ANKRD50: variants seen among roughly 807,000 people sequenced by gnomAD.
ANKRD50 encodes the protein ankyrin repeat domain-containing protein 50.
Under a neutral mutation model 112.0 loss-of-function variants are expected in ANKRD50, and 40 were observed. That is an observed-to-expected ratio of 0.36 (90% confidence interval 0.28 to 0.46). ANKRD50 has a LOEUF of 0.46. ANKRD50 is among the 20% of genes least tolerant of loss of function. ANKRD50 has a pLI of 1.00. For missense variants in ANKRD50, 1,487 were observed against 1,701.7 expected, an observed-to-expected ratio of 0.87 and a Z score of 2.22; for synonymous variants, 613 against 619.1, an observed-to-expected ratio of 0.99 and a Z score of 0.15.
intron 2 of ANKRD50, among the ~76,000 whole-genome samples, chr4:124,683,897 C>G (rs1240269078): frequency 9.1e-6 from 1 of 110,344 alleles, no homozygotes; most frequent in South Asian, 3.1e-4. Flanking sequence ...ATAGATAATA[C>G]ATCAGTCTTT....
At chr4:124,709,527 T>G (rs1725582782) in intron 2 of ANKRD50, among the ~76,000 whole-genome samples, 1 of 152,036 alleles carries the variant, frequency 6.6e-6, no homozygotes, top group African/African-American at 2.4e-5. Flanking sequence ...ATCAGCAAAT[T>G]TTCTTCAGAT....
At chr4:124,679,045 C>T in intron 2 of ANKRD50, 140 bp from the exon 3 acceptor site, 1 of 653,508 alleles carries the variant, frequency 1.5e-6, no homozygotes, top group Non-Finnish European at 2.5e-6. Context: ...ATACAAGTTT[C>T]AATTCCTTAC....
intron 2 of ANKRD50, among the ~76,000 whole-genome samples, chr4:124,705,010 C>T (rs1407601179): frequency 1.3e-5 from 2 of 152,046 alleles, no homozygotes; most frequent in African/African-American, 4.8e-5. Context: ...AGGAGAATGG[C>T]GTGAACCCGA....
chr4:124,676,376 G>C (rs113583105), intron 3 of ANKRD50, among the ~76,000 whole-genome samples: 1 of 151,500 alleles, frequency 6.6e-6, no homozygotes, highest in East Asian at 1.9e-4. Context: ...ATGGCAAAGA[G>C]GGCTGGGAAG....
rs1437770190 is a variant in ANKRD50, at chr4:124,710,366, T to C, written c.146A>G (p.Asn49Ser). 2.5e-6 allele frequency: 4 copies of C among 1,614,194 alleles called. No individual in the cohort carries two copies. The Admixed American group carries it at 5.0e-5, about 20-fold the overall frequency. ...AGAATTCATTACAAGTGATGGTGCA[T>C]TGACAGCACTATTGCAGCAGTTACT... ...EKSNCCNSAV[N>S]APSLVMNSGN... The change falls in exon 2 of 5, where the codon AAT (asparagine) becomes AGT (serine). Residue 49 changes from asparagine (N) to serine (S), a missense_variant. Around this residue, in one of 2 missense-constraint regions of ANKRD50, gnomAD observed 1,046 missense variants for 1,269.5 expected, o/e 0.82. Transcript: ENST00000504087.
At chr4:124,712,236 C>T (rs953693422) in intron 1 of ANKRD50, among the ~76,000 whole-genome samples, 8 of 152,224 alleles carry the variant, frequency 5.3e-5, no homozygotes, top group African/African-American at 1.9e-4. Flanking sequence ...CAATCCCAGA[C>T]GAGGGGTCGC....
At chr4:124,690,624 T>TA (rs1344084578) in intron 2 of ANKRD50, among the ~76,000 whole-genome samples, 3 of 152,180 alleles carry the variant, frequency 2.0e-5, no homozygotes, top group Admixed American at 2.0e-4. Flanking sequence ...ATTAAAGTGT[T>TA]ACCTTAAAAA....
intron 2 of ANKRD50, among the ~76,000 whole-genome samples, chr4:124,704,885 G>A (rs1296469783): frequency 6.6e-6 from 1 of 152,160 alleles, no homozygotes; most frequent in African/African-American, 2.4e-5. Flanking sequence ...ACGAGGTCAG[G>A]AAATCAAGAC....
chr4:124,684,473 T>A (rs992445045), intron 2 of ANKRD50, among the ~76,000 whole-genome samples: 1 of 152,154 alleles, frequency 6.6e-6, no homozygotes, highest in Admixed American at 6.5e-5. Flanking sequence ...CTCCTGCACA[T>A]ACATGGCTCA....
At chr4:124,697,744 A>G (rs1725284695) in intron 2 of ANKRD50, among the ~76,000 whole-genome samples, 1 of 151,706 alleles carries the variant, frequency 6.6e-6, no homozygotes, top group Non-Finnish European at 1.5e-5. Context: ...TAAATAGACT[A>G]ATACGGGTGG....
chr4:124,676,915 G>A (rs550862075), intron 3 of ANKRD50, among the ~76,000 whole-genome samples: 1 of 151,674 alleles, frequency 6.6e-6, no homozygotes, highest in Admixed American at 6.6e-5. Context: ...AAGCATAAGG[G>A]AGAAAGGGTT....
At position 124,712,468 on chromosome 4, in the gene ANKRD50, G is replaced by A; in HGVS notation, c.-774C>T. ...CCGCCCCCCGGTTACCTCGGCCCCA[G>A]CCGCCGCCGTGGCCGCCGCTGCCGC... On this transcript the variant is annotated 5_prime_UTR_variant, in exon 1 of 5. Transcript: ENST00000504087. The A allele has an allele frequency of 6.4e-6, 1 of 156,190 alleles. No individual in the cohort carries two copies. The highest frequency in any genetic ancestry group is 1.4e-5 in the Non-Finnish European group (1 of 71,434). The allele number at this position is 156,190 out of a possible 1,614,324, so 9.7% of individuals were successfully genotyped here. A position where few individuals can be genotyped will look rare whatever the true frequency, so the allele number is the denominator to read the frequency against.
intron 3 of ANKRD50, among the ~76,000 whole-genome samples, chr4:124,676,384 A>G (rs1393051585): frequency 2.6e-5 from 4 of 151,710 alleles, no homozygotes; most frequent in Non-Finnish European, 4.4e-5. Flanking sequence ...GAGGGCTGGG[A>G]AGTAATTGCA....
rs1730464743 is a variant in ANKRD50, at chr4:124,665,418, G to T, written c.*2100C>A. 1 of 152,182 alleles carries T rather than the reference G, an allele frequency of 6.6e-6. No individual in the cohort carries two copies. The highest frequency in any genetic ancestry group is 1.5e-5 in the Non-Finnish European group (1 of 67,830). The allele number at this position is 152,182 out of a possible 1,614,324, so 9.4% of individuals were successfully genotyped here. On this transcript the variant is annotated 3_prime_UTR_variant, in exon 5 of 5. Coordinates refer to ENST00000504087, the MANE Select transcript of ANKRD50 (RefSeq NM_020337.3). The stretch of plus-strand genomic sequence containing the variant: ...CCCTTTGGACACAAGGTGCAATTTT[G>T]TAAAAACAATAAAATTAAATAAATA...
At chr4:124,675,990 C>G (rs994964224) in intron 3 of ANKRD50, among the ~76,000 whole-genome samples, 2 of 151,642 alleles carry the variant, frequency 1.3e-5, no homozygotes. Flanking sequence ...GTAGGTGAAG[C>G]CAATTTAGAC....
In ANKRD50 at chr4:124,669,496, T is replaced by C. The variant is rs751523274; in HGVS notation, c.3781A>G (p.Ser1261Gly). 6.2e-7 allele frequency: 1 copy of C among 1,612,992 alleles called. No individual in the cohort carries two copies. The highest frequency in any genetic ancestry group is 8.5e-7 in the Non-Finnish European group (1 of 1,179,702). The change falls in exon 4 of 5, where the codon AGT (serine) becomes GGT (glycine). Residue 1261 changes from serine to glycine, a missense_variant. Around this residue, in one of 2 missense-constraint regions of ANKRD50, gnomAD observed 441 missense variants for 432.2 expected, o/e 1.02. Transcript: ENST00000504087. ...TTACTTGCTTTAGTTGACTTCAAAC[T>C]GGGCTTTACTTGACTCCACTCAAAT... ...SEFEWSQVKP[S>G]LKSTKASKGG...
intron 3 of ANKRD50, among the ~76,000 whole-genome samples, chr4:124,676,886 A>G (rs867579409): frequency 2.0e-5 from 3 of 151,870 alleles, no homozygotes; most frequent in Middle Eastern, 3.4e-3. Flanking sequence ...TTCATGGAAA[A>G]AAGGCAAATT....
chr4:124,708,626 A>G (rs1218266797), intron 2 of ANKRD50, among the ~76,000 whole-genome samples: 1 of 151,870 alleles, frequency 6.6e-6, no homozygotes, highest in Non-Finnish European at 1.5e-5. Context: ...TTTGCCATAC[A>G]TAACCTTCTA....
chr4:124,695,054 G>A (rs1161171255), intron 2 of ANKRD50, among the ~76,000 whole-genome samples: 1 of 151,864 alleles, frequency 6.6e-6, no homozygotes. Context: ...TTTAACAAAG[G>A]TACATATCCA....
Sources: allele counts gnomAD v4.1 joint callset (sites outside exome capture counted in the v4.1 genomes callset), GRCh38; gene constraint gnomAD v4.1.1; regional missense constraint gnomAD v4.1.1; transcripts MANE v1.5; gene names NCBI Gene and HGNC (gene_info 2026-07-23, HGNC 2026-07-21).